Variants in COL14A1 observed in about 807,000 individuals in gnomAD.
COL14A1 encodes collagen alpha-1(XIV) chain.
COL14A1 carries 136 observed loss-of-function variants against 230.3 expected under a neutral mutation model. The ratio of observed to expected loss-of-function variants is 0.59; its 90% confidence interval spans 0.51 to 0.68. The LOEUF is 0.68. Ranked by LOEUF, COL14A1 falls within the 30% of genes least tolerant of loss-of-function variation. COL14A1 has a pLI of 0.00. For synonymous variants in COL14A1, 792 were observed against 784.1 expected, an observed-to-expected ratio of 1.01 and a Z score of -0.17; for missense variants, 1,976 against 2,215.8, an observed-to-expected ratio of 0.89 and a Z score of 2.17.
intron 20 of COL14A1, 36 bp downstream of exon 20, chr8:120,244,044 C>G (rs1009448123): frequency 6.3e-7 from 1 of 1,599,486 alleles, no homozygotes; most frequent in African/African-American, 1.3e-5. Flanking sequence ...TACAAGCCGA[C>G]TCATTAAATG....
chr8:120,267,826 G>A (rs1563706636), intron 25 of COL14A1, among the ~76,000 whole-genome samples: 2 of 151,724 alleles, frequency 1.3e-5, no homozygotes, highest in Admixed American at 6.6e-5. Flanking sequence ...AGAAGGAAGG[G>A]CGATCTGATG....
intron 14 of COL14A1, among the ~76,000 whole-genome samples, chr8:120,223,321 T>A (rs1455769088): frequency 6.6e-6 from 1 of 152,194 alleles, no homozygotes; most frequent in Non-Finnish European, 1.5e-5. Flanking sequence ...TTGAGCTTAG[T>A]GACCTTCCCC....
At chr8:120,354,380 T>A in intron 45 of COL14A1, among the ~76,000 whole-genome samples, 1 of 109,092 alleles carries the variant, frequency 9.2e-6, no homozygotes, top group Non-Finnish European at 1.7e-5. Flanking sequence ...ACCCTAAAAC[T>A]TAAAGTATAA....
At position 120,372,103 on chromosome 8, in the gene COL14A1, C is replaced by T. The variant is rs538563811; in HGVS notation, c.*872C>T. On this transcript the variant is annotated 3_prime_UTR_variant, in exon 48 of 48. Transcript: ENST00000297848. ...GCTTTTGTAGTCTTAACTGAGTGTC[C>T]ACCAGAAAGACAACAGTTGTCTTCC... The T allele has an allele frequency of 6.5e-6, 1 of 153,024 alleles. No individual in the cohort carries two copies. Among genetic ancestry groups the T allele is most frequent in the South Asian group, 2.1e-4 (1 of 4,818 alleles). The allele number at this position is 153,024 out of a possible 1,614,324, so 9.5% of individuals were successfully genotyped here.
chr8:120,197,275 G>T (rs1290173308), intron 6 of COL14A1, among the ~76,000 whole-genome samples: 2 of 152,060 alleles, frequency 1.3e-5, no homozygotes, highest in African/African-American at 4.8e-5. Flanking sequence ...CTAGGAAAAT[G>T]TTGAACTAGA....
chr8:120,367,139 C>A (rs560770638), intron 45 of COL14A1, 32 bp from the exon 46 acceptor site: 4 of 1,514,382 alleles, frequency 2.6e-6, no homozygotes, highest in Non-Finnish European at 3.6e-6. Flanking sequence ...TTAAAAAGAA[C>A]TTTAAACATT....
At chr8:120,136,890 G>A (rs10086829) in intron 1 of COL14A1, among the ~76,000 whole-genome samples, 116,280 of 148,772 alleles carry the variant, frequency 0.78, 45,613 homozygotes, top group African/African-American at 0.84. Flanking sequence ...GCTTGAACCC[G>A]GTAGGAGGTT....
At chr8:120,299,727 T>C (rs1228121375) in intron 35 of COL14A1, among the ~76,000 whole-genome samples, 1 of 152,126 alleles carries the variant, frequency 6.6e-6, no homozygotes, top group Non-Finnish European at 1.5e-5. Flanking sequence ...TGAACTGAAA[T>C]ATTTTACTGT....
chr8:120,278,451 T>C lies in COL14A1; in HGVS notation c.3354T>C (p.Tyr1118=), dbSNP rs1484081030. The change falls in exon 28 of 48, where the codon TAT becomes TAC. Residue 1118 remains tyrosine (Y), a synonymous_variant. Transcript: ENST00000297848. ...TTGTTTCAGGAAAAGCAATTAAGTA[T>C]GTTCGAGATACCTTGTTCACTGCAG... ...GNTKTGKAIK[Y]VRDTLFTAES... The C allele has an allele frequency of 1.2e-6, 2 of 1,611,702 alleles. No individual in the cohort carries two copies. Among genetic ancestry groups the C allele is most frequent in the Non-Finnish European group, 1.7e-6 (2 of 1,179,058 alleles).
At chr8:120,231,349 A>G (rs1159274602) in intron 18 of COL14A1, 118 bp from the exon 19 acceptor site, 5 of 1,086,294 alleles carry the variant, frequency 4.6e-6, no homozygotes, top group African/African-American at 1.6e-5. Flanking sequence ...CTCATATACA[A>G]CTATATTACA....
chr8:120,168,730 T>A (rs1815998642), intron 5 of COL14A1, among the ~76,000 whole-genome samples: 1 of 152,242 alleles, frequency 6.6e-6, no homozygotes, highest in Non-Finnish European at 1.5e-5. Flanking sequence ...CGTTGATATG[T>A]GTAAAATACT....
At position 120,262,208 on chromosome 8, in the gene COL14A1, C is replaced by T. The variant is rs540847808; in HGVS notation, c.2870-660C>T. On this transcript the variant is annotated intron_variant, in intron 23 of 47. Coordinates refer to ENST00000297848, the MANE Select transcript of COL14A1 (RefSeq NM_021110.4). ...AAAAAATAGGCCAGGCATGGTATCT[C>T]GTGCCTGTAATCCCAGCACTTTCAG... Among the ~76,000 whole-genome samples the T allele has an allele frequency of 1.7e-3, 259 of 152,158 alleles. 1 individual carries two copies. Among genetic ancestry groups the T allele is most frequent in the African/African-American group, 6.0e-3 (251 of 41,498 alleles).
intron 22 of COL14A1, among the ~76,000 whole-genome samples, chr8:120,252,639 A>G (rs1170219053): frequency 6.6e-6 from 1 of 152,222 alleles, no homozygotes; most frequent in Admixed American, 6.5e-5. Context: ...GATAATAATA[A>G]CCATCGTTCA....
intron 19 of COL14A1, among the ~76,000 whole-genome samples, chr8:120,239,815 T>A (rs999604214): frequency 1.4e-5 from 2 of 145,010 alleles, no homozygotes; most frequent in African/African-American, 5.3e-5. Flanking sequence ...CTTTGTTTTG[T>A]TTTGTTTCTG....
chr8:120,185,113 CA>C (rs1816606005), intron 5 of COL14A1, among the ~76,000 whole-genome samples: 1 of 152,108 alleles, frequency 6.6e-6, no homozygotes, highest in Non-Finnish European at 1.5e-5. Context: ...AGGCATCTGT[CA>C]GGGAGGCTTT....
At chr8:120,219,905 A>G (rs543662384) in intron 14 of COL14A1, among the ~76,000 whole-genome samples, 1 of 152,132 alleles carries the variant, frequency 6.6e-6, no homozygotes, top group Non-Finnish European at 1.5e-5. Context: ...TGGGCTATGA[A>G]TGAAGATTTG....
intron 12 of COL14A1, among the ~76,000 whole-genome samples, chr8:120,210,766 C>T (rs569341324): frequency 1.8e-4 from 28 of 152,192 alleles, no homozygotes; most frequent in Admixed American, 1.6e-3. Context: ...TTGTGTAAAG[C>T]CTGTCCCTGA....
Position 120,192,174 on chromosome 8 carries a change from T to C in COL14A1, c.437-4617T>C, listed in dbSNP as rs562621712. ...TTTACATTTTGGCATGATTTTGCAG[T>C]GGCTGGTACCGGTTGTTCCTTTCCA... On this transcript the variant is annotated intron_variant, in intron 5 of 47. Transcript: ENST00000297848. Among the ~76,000 whole-genome samples the C allele has an allele frequency of 1.7e-3, 262 of 152,348 alleles. 1 individual carries two copies. The highest frequency in any genetic ancestry group is 1.0e-3 in the South Asian group (5 of 4,828).
intron 5 of COL14A1, among the ~76,000 whole-genome samples, chr8:120,175,806 C>G (rs1191184785): frequency 2.6e-5 from 4 of 152,208 alleles, no homozygotes; most frequent in Admixed American, 2.0e-4. Flanking sequence ...TGTTGGCACA[C>G]AATCCTTCAC....
Sources: gnomAD v4.1 joint callset for allele counts (sites outside exome capture counted in the v4.1 genomes callset) on GRCh38, gnomAD v4.1.1 for gene constraint, MANE v1.5 for transcripts, NCBI Gene and HGNC (gene_info 2026-07-23, HGNC 2026-07-21) for gene names.